NDST3: variants seen among roughly 807,000 people sequenced by gnomAD.
The protein encoded by NDST3 is N-deacetylase and N-sulfotransferase 3, also known as bifunctional heparan sulfate N-deacetylase/N-sulfotransferase 3.
A neutral mutation model predicts 96.1 loss-of-function variants in NDST3; 58 were observed. That is an observed-to-expected ratio of 0.60 (90% CI 0.49 to 0.75). The LOEUF is 0.75. Among genes scored for constraint, NDST3 ranks in the 30% least tolerant of loss-of-function variants. The pLI is 0.00. For synonymous variants in NDST3, 333 were observed against 359.7 expected (o/e 0.93, Z 0.84); for missense variants, 788 against 1,034.2 (o/e 0.76, Z 3.27).
chr4:118,159,850 T>C (rs1219886215), intron 6 of NDST3, among the ~76,000 whole-genome samples: 1 of 152,144 alleles, frequency 6.6e-6, no homozygotes, highest in East Asian at 1.9e-4. Flanking sequence ...AGACAGGTCA[T>C]TTGAAATTGC....
At chr4:118,154,258 C>T (rs186283715) in intron 6 of NDST3, among the ~76,000 whole-genome samples, 159 of 152,268 alleles carry the variant, frequency 1.0e-3, no homozygotes, top group African/African-American at 3.5e-3. Context: ...CTAACACCTG[C>T]CCCACAGTGT....
chr4:118,061,498 T>C (rs10024910), intron 2 of NDST3, among the ~76,000 whole-genome samples: 129,671 of 152,116 alleles, frequency 0.85, 56,831 homozygotes, highest in Non-Finnish European at 0.95. Flanking sequence ...TAGACAAATG[T>C]GACAAATCTG....
intron 2 of NDST3, among the ~76,000 whole-genome samples, chr4:118,063,760 G>A (rs542382259): frequency 4.6e-5 from 7 of 152,212 alleles, no homozygotes; most frequent in African/African-American, 1.7e-4. Flanking sequence ...AGAAACTGAG[G>A]CTGATAGATT....
At chr4:118,212,968 T>A (rs1378529754) in intron 6 of NDST3, among the ~76,000 whole-genome samples, 1 of 152,232 alleles carries the variant, frequency 6.6e-6, no homozygotes, top group African/African-American at 2.4e-5. Flanking sequence ...TCACATGTAA[T>A]TCATCTGGAG....
At chr4:118,221,949 T>C (rs1434922608) in intron 6 of NDST3, among the ~76,000 whole-genome samples, 1 of 151,374 alleles carries the variant, frequency 6.6e-6, no homozygotes, top group Non-Finnish European at 1.5e-5. Flanking sequence ...CATTGGAATC[T>C]ACAAGTATAA....
At chr4:118,181,817 A>G (rs1736626959) in intron 6 of NDST3, among the ~76,000 whole-genome samples, 1 of 152,204 alleles carries the variant, frequency 6.6e-6, no homozygotes, top group Non-Finnish European at 1.5e-5. Flanking sequence ...AGTTTTAGGT[A>G]TATTTAGTTA....
chr4:118,251,125 A>AT (rs370800744), intron 12 of NDST3, among the ~76,000 whole-genome samples: 33,475 of 110,940 alleles, frequency 0.3, 6,268 homozygotes, highest in Middle Eastern at 0.43. Context: ...TATTATTTTT[A>AT]TTTTATTTTT....
At chr4:118,250,107 A>T (rs1335470271) in intron 12 of NDST3, among the ~76,000 whole-genome samples, 2 of 152,166 alleles carry the variant, frequency 1.3e-5, no homozygotes, top group Non-Finnish European at 1.5e-5. Flanking sequence ...TCCTTTCACC[A>T]GTTGATGGAC....
In NDST3 at chr4:118,164,687, G is replaced by A. The variant is rs984358409; in HGVS notation, c.1539+21003G>A. On this transcript the variant is annotated intron_variant, in intron 6 of 13. Transcript: ENST00000296499. Reference sequence around the variant, plus strand: ...AATATACAGAAAAATAGATAATACTGTAATATTTTAGTGGCTGTGTATAAA... The same window carrying A: ...AATATACAGAAAAATAGATAATACTATAATATTTTAGTGGCTGTGTATAAA... Among the ~76,000 whole-genome samples the A allele has an allele frequency of 3.3e-5, 5 of 152,034 alleles. No individual in the cohort carries two copies. The East Asian group carries it at 9.6e-4, about 29-fold the overall frequency.
intron 4 of NDST3, among the ~76,000 whole-genome samples, chr4:118,134,443 C>T (rs7664383): frequency 3.9e-5 from 6 of 152,052 alleles, no homozygotes; most frequent in African/African-American, 9.7e-5. Flanking sequence ...AGAGGGAATG[C>T]GATTCTATGC....
intron 6 of NDST3, among the ~76,000 whole-genome samples, chr4:118,198,327 T>C (rs1345848080): frequency 1.3e-5 from 2 of 152,178 alleles, no homozygotes; most frequent in Non-Finnish European, 1.5e-5. Flanking sequence ...TGTGTCTCCA[T>C]TGTATGTTTT....
At chr4:118,050,933 A>G (rs1725038185) in intron 1 of NDST3, among the ~76,000 whole-genome samples, 1 of 152,232 alleles carries the variant, frequency 6.6e-6, no homozygotes, top group Non-Finnish European at 1.5e-5. Flanking sequence ...AGCAAAAAGA[A>G]CAAAGCCAGA....
At position 118,180,136 on chromosome 4, in the gene NDST3, T is replaced by G. The variant is rs376119626; in HGVS notation, c.1539+36452T>G. Among the ~76,000 whole-genome samples the G allele has an allele frequency of 5.9e-5, 9 of 152,208 alleles. No homozygotes were observed. The East Asian group carries it at 1.7e-3, about 29-fold the overall frequency. On this transcript the variant is annotated intron_variant, in intron 6 of 13. Transcript: ENST00000296499. ...CTTTATTTTAGATTCAGGGGATATA[T>G]GTACAAGTTTGTTAACTGAGTGTAT...
At chr4:118,178,475 C>T (rs1736405558) in intron 6 of NDST3, among the ~76,000 whole-genome samples, 1 of 151,990 alleles carries the variant, frequency 6.6e-6, no homozygotes, top group Non-Finnish European at 1.5e-5. Context: ...GCATAATATC[C>T]TCAAGGTTCA....
chr4:118,049,600 C>T (rs928465586), intron 1 of NDST3, among the ~76,000 whole-genome samples: 2 of 151,828 alleles, frequency 1.3e-5, no homozygotes, highest in Non-Finnish European at 2.9e-5. Context: ...AATATCTCTA[C>T]TCACATGAAT....
intron 2 of NDST3, among the ~76,000 whole-genome samples, chr4:118,064,102 C>G (rs2110473104): frequency 6.6e-6 from 1 of 152,202 alleles, no homozygotes; most frequent in African/African-American, 2.4e-5. Context: ...ATTAGAGTGG[C>G]ATAGTGACAG....
intron 5 of NDST3, among the ~76,000 whole-genome samples, chr4:118,141,728 C>T (rs139867527): frequency 3.4e-4 from 51 of 152,218 alleles, no homozygotes; most frequent in African/African-American, 8.4e-4. Context: ...CCATTTAACA[C>T]GTGAGCATTT....
In NDST3 at chr4:118,056,938, AACTTAAGTATGT is replaced by A. The variant is rs1455520368; in HGVS notation, c.981+2067_981+2078del. Among the ~76,000 whole-genome samples, 12 of 152,116 alleles carry A rather than the reference AACTTAAGTATGT, an allele frequency of 7.9e-5. 1 individual carries two copies. In the South Asian group the frequency reaches 2.1e-3, roughly 26 times the overall value. The stretch of plus-strand genomic sequence containing the variant: ...ACTACAGTGTGTGCTGTGTACCTGT[AACTTAAGTATGT>A]ACTTAAGTATGTACTTAAGCATGTA... On this transcript the variant is annotated intron_variant, in intron 2 of 13. Transcript: ENST00000296499.
rs745946090 is a variant in NDST3, at chr4:118,114,792, T to TC, written c.1070-14_1070-13insC. The TC allele has an allele frequency of 7.3e-6, 11 of 1,499,392 alleles. No individual in the cohort carries two copies. Among genetic ancestry groups the TC allele is most frequent in the South Asian group, 2.3e-5 (2 of 86,564 alleles). The allele number at this position is 1,499,392 out of a possible 1,614,324, so 92.9% of individuals were successfully genotyped here. A position where few individuals can be genotyped will look rare whatever the true frequency, so the allele number is the denominator to read the frequency against. ...GTAACTGGAATTAATTGGATAATATTTCCCCCCCTAAAGGAACTGAAGAGG... is the reference window on the plus strand; with the variant it reads ...GTAACTGGAATTAATTGGATAATATTCTCCCCCCCTAAAGGAACTGAAGAGG... On this transcript the variant is annotated splice_polypyrimidine_tract_variant and intron_variant, in intron 3 of 13. Transcript: ENST00000296499.
Sources: allele counts gnomAD v4.1 joint callset (sites outside exome capture counted in the v4.1 genomes callset), GRCh38; gene constraint gnomAD v4.1.1; transcripts MANE v1.5; gene names NCBI Gene and HGNC (gene_info 2026-07-23, HGNC 2026-07-21).